SEC16B: variants seen among roughly 807,000 people sequenced by gnomAD.
The protein encoded by SEC16B is protein transport protein Sec16B.
In SEC16B, 115 loss-of-function variants were observed where a neutral mutation model predicts 141.8. The observed-to-expected ratio is 0.81, with a 90% CI of 0.70 to 0.95. The LOEUF (loss-of-function observed/expected upper bound fraction) is 0.95. Among genes scored for constraint, SEC16B ranks in the 40% least tolerant of loss-of-function variants. SEC16B has a pLI of 0.00. For synonymous variants in SEC16B, 493 were observed against 492.5 expected, an observed-to-expected ratio of 1.00 and a Z score of -0.01; for missense variants, 1,291 against 1,312.3, an observed-to-expected ratio of 0.98 and a Z score of 0.25.
intron 20 of SEC16B, among the ~76,000 whole-genome samples, chr1:177,935,793 C>T (rs1164034077): frequency 6.6e-6 from 1 of 152,196 alleles, no homozygotes; most frequent in Non-Finnish European, 1.5e-5. Context: ...GGGACCAACA[C>T]TGCCCATTGC....
intron 6 of SEC16B, 75 bp downstream of exon 6, chr1:177,961,515 G>T: frequency 6.7e-7 from 1 of 1,498,974 alleles, no homozygotes; most frequent in Non-Finnish European, 9.0e-7. Flanking sequence ...TCGTAAGGCT[G>T]ACTTTCCCAG....
intron 1 of SEC16B, among the ~76,000 whole-genome samples, chr1:177,979,828 A>C (rs185762843): frequency 6.6e-6 from 1 of 152,224 alleles, no homozygotes; most frequent in Non-Finnish European, 1.5e-5. Context: ...GTAGGGAAAC[A>C]CCTCCTTATA....
chr1:177,929,281 C>T lies in SEC16B; in HGVS notation c.*577G>A, dbSNP rs1463871376. Reference sequence around the variant, plus strand: ...AGAGAAATATAATTAATCTGAACCACATTCAAAAAAATGTGCACAAAACTA... The same window carrying T: ...AGAGAAATATAATTAATCTGAACCATATTCAAAAAAATGTGCACAAAACTA... On this transcript the variant is annotated 3_prime_UTR_variant, in exon 26 of 26. Transcript: ENST00000308284. The T allele has an allele frequency of 6.5e-6, 1 of 154,704 alleles. No individual in the cohort carries two copies. The highest frequency in any genetic ancestry group is 1.4e-5 in the Non-Finnish European group (1 of 69,312). 9.6% of individuals were successfully genotyped at this position (154,704 alleles called of 1,614,324 possible). A position where few individuals can be genotyped will look rare whatever the true frequency, so the allele number is the denominator to read the frequency against.
Position 177,933,503 on chromosome 1 carries a change from T to A in SEC16B, c.2705A>T (p.Asp902Val). Residue 902 changes from aspartate to valine, a missense_variant, in exon 21 of 26, where the codon GAT (aspartate) becomes GTT (valine). By Grantham distance (152) the Asp-to-Val change is radical. Coordinates refer to ENST00000308284, the MANE Select transcript of SEC16B (RefSeq NM_033127.4). ...CTCCACCTTTGTATGCTCCTTCCCA[T>A]CTCCGAGCTTGCCTCTCTGGGCAGT... is the stretch of plus-strand genomic sequence containing the variant. Reference protein sequence around the residue: ...RNTAQRGKLGDGKEHTKSSGF... With the variant: ...RNTAQRGKLGVGKEHTKSSGF... 1 of 1,613,466 alleles carries A rather than the reference T, an allele frequency of 6.2e-7. No homozygotes were observed. The highest frequency in any genetic ancestry group is 8.5e-7 in the Non-Finnish European group (1 of 1,179,700).
At position 177,967,976 on chromosome 1, in the gene SEC16B, T is replaced by G; in HGVS notation, c.6A>C (p.Glu2Asp). 6.2e-7 allele frequency: 1 copy of G among 1,603,038 alleles called. No homozygotes were observed. Among genetic ancestry groups the G allele is most frequent in the Non-Finnish European group, 8.5e-7 (1 of 1,171,204 alleles). Reference protein sequence around the residue: MELWAPQRLPQT... With the variant: MDLWAPQRLPQT... ...GGGGCAGCCTCTGGGGAGCCCAAAG[T>G]TCCATCCTTGACTCTCTGAATTTGT... The change falls in exon 2 of 26, where the codon GAA (glutamate) becomes GAC (aspartate). Residue 2 changes from glutamate (E) to aspartate (D), a missense_variant. Physicochemically the swap from Glu to Asp is conservative, Grantham distance 45. Around this residue, in one of 3 missense-constraint regions of SEC16B, gnomAD observed 681 missense variants for 675.5 expected, o/e 1.01. Coordinates refer to ENST00000308284, the MANE Select transcript of SEC16B (RefSeq NM_033127.4).
At chr1:177,969,323 A>G (rs1470115619) in intron 1 of SEC16B, among the ~76,000 whole-genome samples, 2 of 152,142 alleles carry the variant, frequency 1.3e-5, no homozygotes, top group African/African-American at 4.8e-5. Flanking sequence ...CAAGAAGAAC[A>G]AGGTGCGGAG....
intron 10 of SEC16B, 116 bp downstream of exon 10, chr1:177,958,013 ACTT>A: frequency 1.7e-6 from 1 of 583,370 alleles, no homozygotes; most frequent in Non-Finnish European, 2.6e-6. Flanking sequence ...GTCTTTCCGA[ACTT>A]CTTGCATCCT....
At chr1:177,930,498 C>T in intron 25 of SEC16B, 47 bp downstream of exon 25, 1 of 1,386,000 alleles carries the variant, frequency 7.2e-7, no homozygotes, top group Non-Finnish European at 1.0e-6. Flanking sequence ...CTCCTTAATC[C>T]AAAACCTGTA....
intron 10 of SEC16B, among the ~76,000 whole-genome samples, chr1:177,955,634 G>A (rs974419217): frequency 2.0e-5 from 3 of 152,266 alleles, no homozygotes; most frequent in African/African-American, 7.2e-5. Flanking sequence ...GAGCCACCAC[G>A]CCCAGCATTT....
chr1:177,966,267 T>G (rs1157415247), intron 2 of SEC16B, among the ~76,000 whole-genome samples: 2 of 152,216 alleles, frequency 1.3e-5, no homozygotes, highest in Non-Finnish European at 2.9e-5. Flanking sequence ...CTTTTTTATT[T>G]AAAACTCTTT....
Position 177,940,696 on chromosome 1 carries a change from G to T in SEC16B, c.2041C>A (p.Leu681Met), listed in dbSNP as rs770488301. The T allele has an allele frequency of 6.2e-7, 1 of 1,613,594 alleles. No individual in the cohort carries two copies. Among genetic ancestry groups the T allele is most frequent in the East Asian group, 2.2e-5 (1 of 44,864 alleles). ...ELIKLAEKLK[L>M]SDPLVLERRS... ...CTTTCTAAAACCAGAGGATCTGACAGCTTCAGTTTCTCTGCTAGCTGTGCC... is the reference window on the plus strand; with the variant it reads ...CTTTCTAAAACCAGAGGATCTGACATCTTCAGTTTCTCTGCTAGCTGTGCC... The change falls in exon 17 of 26, where the codon CTG becomes ATG. Residue 681 changes from leucine (L) to methionine (M), a missense_variant. Leu to Met is a conservative substitution (Grantham distance 15). Coordinates refer to ENST00000308284, the MANE Select transcript of SEC16B (RefSeq NM_033127.4).
intron 11 of SEC16B, 52 bp downstream of exon 11, chr1:177,954,227 G>A: frequency 7.4e-7 from 1 of 1,342,342 alleles, no homozygotes; most frequent in South Asian, 1.3e-5. Context: ...CTCCACCTTT[G>A]GTGAGGAGGC....
chr1:177,979,384 T>C (rs1654308971), intron 1 of SEC16B, among the ~76,000 whole-genome samples: 1 of 152,196 alleles, frequency 6.6e-6, no homozygotes, highest in Non-Finnish European at 1.5e-5. Context: ...TGCCCACTGT[T>C]CCATGTACAG....
At position 177,932,682 on chromosome 1, in the gene SEC16B, C is replaced by A. The variant is rs778633136; in HGVS notation, c.2932+16G>T. On this transcript the variant is annotated intron_variant, in intron 23 of 25. Transcript: ENST00000308284. ...AGGGGACCACCCATGGCCCAGAGGA[C>A]GTGAGGTGACGGTACCTCTGCCCCT... 2.6e-6 allele frequency: 4 copies of A among 1,559,066 alleles called. No individual in the cohort carries two copies. The Admixed American group carries it at 7.5e-5, about 29-fold the overall frequency.
intron 21 of SEC16B, 21 bp from the exon 22 acceptor site, chr1:177,933,333 T>A (rs997546021): frequency 3.2e-6 from 5 of 1,582,548 alleles, no homozygotes; most frequent in Non-Finnish European, 3.4e-6. Flanking sequence ...AAGAGGACAT[T>A]TTATGACCTG....
At chr1:177,977,381 C>G (rs1250331730) in intron 1 of SEC16B, among the ~76,000 whole-genome samples, 1 of 152,178 alleles carries the variant, frequency 6.6e-6, no homozygotes, top group Non-Finnish European at 1.5e-5. Context: ...GCACACATGG[C>G]TCTTTCATTT....
In SEC16B at chr1:177,958,898, C is replaced by T. The variant is rs1291975383; in HGVS notation, c.1076G>A (p.Gly359Glu). Residue 359 changes from glycine to glutamate, a missense_variant, in exon 9 of 26, where the codon GGG becomes GAG. Physicochemically the swap from Gly to Glu is moderately conservative, Grantham distance 98. Around this residue, in one of 3 missense-constraint regions of SEC16B, gnomAD observed 681 missense variants for 675.5 expected, o/e 1.01. Transcript: ENST00000308284. The stretch of plus-strand genomic sequence containing the variant: ...CCACAGTAGAGCTGAGTCTCTGCTC[C>T]CCAGTGTCTCAGATTTGCAGCTCTG... ...AAQSCKSETL[G>E]SRDSALLWQL... The T allele has an allele frequency of 3.2e-5, 52 of 1,613,594 alleles. No homozygotes were observed. Among genetic ancestry groups the T allele is most frequent in the Non-Finnish European group, 4.4e-5 (52 of 1,179,720 alleles).
At chr1:177,966,593 C>T (rs1012240903) in intron 2 of SEC16B, among the ~76,000 whole-genome samples, 1 of 151,832 alleles carries the variant, frequency 6.6e-6, no homozygotes, top group African/African-American at 2.4e-5. Context: ...TGAGACAGAG[C>T]CTCACTCTGT....
intron 18 of SEC16B, among the ~76,000 whole-genome samples, chr1:177,939,160 G>A (rs1269853018): frequency 6.6e-6 from 1 of 152,220 alleles, no homozygotes; most frequent in Non-Finnish European, 1.5e-5. Flanking sequence ...CGGCCCTACT[G>A]CAGGGGGAAC....
Sources: allele counts gnomAD v4.1 joint callset (sites outside exome capture counted in the v4.1 genomes callset), GRCh38; gene constraint gnomAD v4.1.1; regional missense constraint gnomAD v4.1.1; transcripts MANE v1.5; gene names NCBI Gene and HGNC (gene_info 2026-07-23, HGNC 2026-07-21).